Variants in NELL2 observed in about 807,000 individuals in gnomAD.
The protein encoded by NELL2 is neural EGFL like 2.
In NELL2, 41 loss-of-function variants were observed where a neutral mutation model predicts 109.6. The observed-to-expected ratio is 0.37, with a 90% CI of 0.29 to 0.49. The LOEUF (loss-of-function observed/expected upper bound fraction) is 0.49. Among genes scored for constraint, NELL2 ranks in the 20% least tolerant of loss-of-function variants. NELL2 has a pLI of 0.98. For missense variants in NELL2, 900 were observed against 1,008.3 expected (o/e 0.89, Z 1.45); for synonymous variants, 355 against 344.7 (o/e 1.03, Z -0.33).
intron 12 of NELL2, 127 bp downstream of exon 12, chr12:44,703,599 T>G (rs985568487): frequency 3.1e-6 from 3 of 954,220 alleles, no homozygotes; most frequent in Non-Finnish European, 4.8e-6. Flanking sequence ...CTGATTAATA[T>G]GCTTCAAATT....
In NELL2 at chr12:44,875,576, T is replaced by C. The variant is rs1262105141; in HGVS notation, c.56-223A>G. The C allele has an allele frequency of 5.0e-6, 8 of 1,613,098 alleles. No individual in the cohort carries two copies. The South Asian group carries it at 7.7e-5, about 16-fold the overall frequency. On this transcript the variant is annotated intron_variant, in intron 1 of 19. Coordinates refer to ENST00000429094, the MANE Select transcript of NELL2 (RefSeq NM_001145108.2). ...GTTTCCATGACCTCCTTTAAACCCT[T>C]CTCTCTGCAAAGTTCCCCCTCAGCC...
At chr12:44,574,978 A>C (rs1944019668) in intron 15 of NELL2, among the ~76,000 whole-genome samples, 5 of 152,214 alleles carry the variant, frequency 3.3e-5, no homozygotes, top group Admixed American at 3.3e-4. Context: ...ATTTAGTATA[A>C]ATTATAGAAT....
intron 9 of NELL2, among the ~76,000 whole-genome samples, chr12:44,753,652 T>C (rs12812313): frequency 0.13 from 19,648 of 152,150 alleles, 1,512 homozygotes; most frequent in East Asian, 0.23. Flanking sequence ...CCTCACCTCA[T>C]AGGACTATTC....
intron 3 of NELL2, among the ~76,000 whole-genome samples, chr12:44,803,166 G>A (rs1942888963): frequency 6.6e-6 from 1 of 152,020 alleles, no homozygotes; most frequent in African/African-American, 2.4e-5. Context: ...CCTACAGAAT[G>A]AGAGGCCTAT....
At chr12:44,549,753 A>G (rs1051513822) in intron 15 of NELL2, among the ~76,000 whole-genome samples, 1 of 152,204 alleles carries the variant, frequency 6.6e-6, no homozygotes. Context: ...GTAGATATAA[A>G]TAAATGGAAA....
intron 13 of NELL2, among the ~76,000 whole-genome samples, chr12:44,617,760 G>A (rs541773722): frequency 6.7e-6 from 1 of 150,132 alleles, no homozygotes; most frequent in African/African-American, 2.4e-5. Flanking sequence ...AAGTAAAATT[G>A]CTTGCAACAA....
intron 1 of NELL2, among the ~76,000 whole-genome samples, chr12:44,905,908 A>T (rs1254651925): frequency 6.6e-6 from 1 of 152,134 alleles, no homozygotes; most frequent in Non-Finnish European, 1.5e-5. Context: ...AAATTGCTAC[A>T]TTCTGAGAGT....
intron 19 of NELL2, among the ~76,000 whole-genome samples, chr12:44,518,081 A>T (rs1357209526): frequency 6.6e-6 from 1 of 152,212 alleles, no homozygotes; most frequent in Non-Finnish European, 1.5e-5. Flanking sequence ...ATAACAAGAG[A>T]TAAAGAAAAT....
At chr12:44,545,028 C>G (rs1942735758) in intron 15 of NELL2, among the ~76,000 whole-genome samples, 1 of 151,604 alleles carries the variant, frequency 6.6e-6, no homozygotes. Context: ...AACCACAGAA[C>G]TAAAGAAAAA....
chr12:44,816,397 CA>C (rs1425889584), intron 2 of NELL2, among the ~76,000 whole-genome samples: 1 of 151,972 alleles, frequency 6.6e-6, no homozygotes, highest in Non-Finnish European at 1.5e-5. Flanking sequence ...AGCAAAAAAT[CA>C]AAAAACCTTA....
chr12:44,665,916 T>C (rs1398211094), intron 12 of NELL2, among the ~76,000 whole-genome samples: 1 of 152,194 alleles, frequency 6.6e-6, no homozygotes, highest in Non-Finnish European at 1.5e-5. Context: ...ATGCAAAGAC[T>C]GGGCTGCCTT....
intron 1 of NELL2, among the ~76,000 whole-genome samples, chr12:44,910,345 C>A (rs1194526458): frequency 2.0e-5 from 3 of 151,784 alleles, no homozygotes; most frequent in Non-Finnish European, 2.9e-5. Flanking sequence ...ATACATGTGG[C>A]CAACAAACAT....
chr12:44,768,495 T>C (rs1287173794), intron 9 of NELL2, among the ~76,000 whole-genome samples: 1 of 149,958 alleles, frequency 6.7e-6, no homozygotes, highest in Non-Finnish European at 1.5e-5. Context: ...ATTTGTCACA[T>C]ATACCTATAG....
At chr12:44,846,266 G>A (rs1022925450) in intron 2 of NELL2, among the ~76,000 whole-genome samples, 19 of 152,188 alleles carry the variant, frequency 1.2e-4, no homozygotes, top group African/African-American at 4.6e-4. Flanking sequence ...TTTCTTTGGA[G>A]CCATCGTAGT....
At chr12:44,761,948 T>C (rs1941144279) in intron 9 of NELL2, among the ~76,000 whole-genome samples, 1 of 152,200 alleles carries the variant, frequency 6.6e-6, no homozygotes, top group South Asian at 2.1e-4. Context: ...ATTCAGGTGA[T>C]GGGCACACTA....
intron 3 of NELL2, among the ~76,000 whole-genome samples, chr12:44,794,468 G>A (rs1317978838): frequency 6.6e-6 from 1 of 152,030 alleles, no homozygotes; most frequent in African/African-American, 2.4e-5. Flanking sequence ...AAGGAAGGGA[G>A]GAGCAGGTAG....
chr12:44,660,295 C>A (rs1270520499), intron 13 of NELL2, among the ~76,000 whole-genome samples: 3 of 152,096 alleles, frequency 2.0e-5, no homozygotes, highest in African/African-American at 7.2e-5. Context: ...ACATTTTGGG[C>A]CATGTAAATC....
intron 2 of NELL2, among the ~76,000 whole-genome samples, chr12:44,871,799 A>T (rs1362123935): frequency 6.6e-6 from 1 of 152,202 alleles, no homozygotes; most frequent in East Asian, 1.9e-4. Flanking sequence ...TTAAAACCTT[A>T]AAGTTTTTTA....
At chr12:44,627,429 C>CCAAAAAA (rs1946306737) in intron 13 of NELL2, among the ~76,000 whole-genome samples, 1 of 139,684 alleles carries the variant, frequency 7.2e-6, no homozygotes, top group South Asian at 2.3e-4. Context: ...GCAGATGTAC[C>CCAAAAAA]AAAAAAAAAA....
Sources: gnomAD v4.1 joint callset for allele counts (sites outside exome capture counted in the v4.1 genomes callset) on GRCh38, gnomAD v4.1.1 for gene constraint, MANE v1.5 for transcripts, NCBI Gene and HGNC (gene_info 2026-07-23, HGNC 2026-07-21) for gene names.